The following NDRG4 variants were observed in gnomAD, a reference collection of about 807,000 sequenced individuals.
NDRG4 encodes protein NDRG4.
Under a neutral mutation model 55.8 loss-of-function variants are expected in NDRG4, and 38 were observed. The ratio of observed to expected loss-of-function variants is 0.68; its 90% confidence interval spans 0.53 to 0.89. The LOEUF is 0.89. Among genes scored for constraint, NDRG4 ranks in the 40% least tolerant of loss-of-function variants. NDRG4 has a pLI of 0.00. For missense variants in NDRG4, 455 were observed against 468.6 expected (o/e 0.97, Z 0.27); for synonymous variants, 190 against 182.7 (o/e 1.04, Z -0.32).
At chr16:58,477,503 AC>A (rs34069876) in intron 1 of NDRG4, among the ~76,000 whole-genome samples, 27,625 of 152,188 alleles carry the variant, frequency 0.18, 3,125 homozygotes, top group Middle Eastern at 0.27. Flanking sequence ...GAACAATGAA[AC>A]AAATAATGAT....
intron 5 of NDRG4, among the ~76,000 whole-genome samples, chr16:58,505,731 TTTTTTTTTG>T: frequency 7.3e-6 from 1 of 136,292 alleles, no homozygotes; most frequent in African/African-American, 2.9e-5. Context: ...TTTTTTTTTT[TTTTTTTTTG>T]AGATGGAGTC....
rs2038828250 is a variant in NDRG4, at chr16:58,511,744, T to C, written c.*168T>C. Reference sequence around the variant, plus strand: ...CTGCAGCAGAACAGTCTCCAGGTGTTTTAAGGGGCTCAGTCCTCCTCATCC... The same window carrying C: ...CTGCAGCAGAACAGTCTCCAGGTGTCTTAAGGGGCTCAGTCCTCCTCATCC... On this transcript the variant is annotated 3_prime_UTR_variant, in exon 15 of 15. Transcript: ENST00000570248. 1 of 826,600 alleles carries C rather than the reference T, an allele frequency of 1.2e-6. No homozygotes were observed. The highest frequency in any genetic ancestry group is 2.0e-5 in the Admixed American group (1 of 49,324). The allele number at this position is 826,600 out of a possible 1,614,324, so 51.2% of individuals were successfully genotyped here.
In NDRG4 at chr16:58,509,180, G is replaced by A. The variant is rs1254042296; in HGVS notation, c.804G>A (p.Gln268=). ...TGGCAGACTCTGGAGGGCTGCCCCAGGTCACACAGGTGAGACTTTTGGCCC... is the reference window on the plus strand; with the variant it reads ...TGGCAGACTCTGGAGGGCTGCCCCAAGTCACACAGGTGAGACTTTTGGCCC... The part of the protein sequence containing the change: ...LKMADSGGLP[Q]VTQPGKLTEA... The change falls in exon 12 of 15, where the codon CAG becomes CAA. Residue 268 remains glutamine (Q), a synonymous_variant. Transcript: ENST00000570248. 6.2e-7 allele frequency: 1 copy of A among 1,614,028 alleles called. No individual in the cohort carries two copies. The highest frequency in any genetic ancestry group is 1.3e-5 in the African/African-American group (1 of 75,064).
At position 58,500,583 on chromosome 16, in the gene NDRG4, C is replaced by T. The variant is rs756335961; in HGVS notation, c.21+314C>T. On this transcript the variant is annotated intron_variant, in intron 1 of 14. Transcript: ENST00000570248. ...CACTGTCTGACTTGGCTGCATTGCCCGTGTGGACCCGGGCGCTAGTGCCTG... is the reference window on the plus strand; with the variant it reads ...CACTGTCTGACTTGGCTGCATTGCCTGTGTGGACCCGGGCGCTAGTGCCTG... The T allele has an allele frequency of 1.7e-5, 9 of 535,178 alleles. 1 individual carries two copies. Among genetic ancestry groups the T allele is most frequent in the East Asian group, 1.7e-4 (5 of 29,782 alleles). The allele number at this position is 535,178 out of a possible 1,614,324, so 33.2% of individuals were successfully genotyped here. A position where few individuals can be genotyped will look rare whatever the true frequency, so the allele number is the denominator to read the frequency against.
intron 13 of NDRG4, 137 bp from the exon 14 acceptor site, chr16:58,510,508 C>T (rs1304445005): frequency 2.7e-6 from 2 of 730,988 alleles, no homozygotes; most frequent in African/African-American, 3.4e-5. Flanking sequence ...TCTGGCCCTG[C>T]CCCCAGCCTC....
At chr16:58,473,590 A>G (rs900083250) in intron 1 of NDRG4, among the ~76,000 whole-genome samples, 4 of 152,012 alleles carry the variant, frequency 2.6e-5, no homozygotes, top group South Asian at 2.1e-4. Flanking sequence ...TGATAGCTCT[A>G]TCCTTCCATA....
chr16:58,509,726 A>C (rs1282845106), intron 13 of NDRG4, among the ~76,000 whole-genome samples: 1 of 152,158 alleles, frequency 6.6e-6, no homozygotes, highest in South Asian at 2.1e-4. Flanking sequence ...CACCCGCCCC[A>C]GGGCTTGGGG....
chr16:58,504,496 G>A, intron 4 of NDRG4, 75 bp downstream of exon 4: 6 of 1,611,830 alleles, frequency 3.7e-6, no homozygotes, highest in Non-Finnish European at 5.1e-6. Context: ...GGCTCCAGCT[G>A]AGGGCTTCAG....
chr16:58,478,697 G>GTTTTTTTTTTTTTTTGTT (rs59525801), intron 1 of NDRG4, among the ~76,000 whole-genome samples: 1 of 137,756 alleles, frequency 7.3e-6, no homozygotes, highest in South Asian at 2.3e-4. Context: ...TTTGTTTTTT[G>GTTTTTTTTTTTTTTTGTT]TTTTTTTTTT....
chr16:58,465,795 G>A (rs1295756540), intron 1 of NDRG4, among the ~76,000 whole-genome samples: 1 of 152,164 alleles, frequency 6.6e-6, no homozygotes, highest in African/African-American at 2.4e-5. Flanking sequence ...AAGGAAAGGT[G>A]GAAGCTGTTC....
At chr16:58,478,453 C>T (rs892459292) in intron 1 of NDRG4, among the ~76,000 whole-genome samples, 2 of 151,652 alleles carry the variant, frequency 1.3e-5, no homozygotes, top group African/African-American at 2.4e-5. Context: ...TTGGAGAAGG[C>T]CAAGGAGGAC....
intron 1 of NDRG4, among the ~76,000 whole-genome samples, chr16:58,466,305 C>T (rs548271186): frequency 4.5e-4 from 68 of 152,330 alleles, no homozygotes; most frequent in African/African-American, 1.3e-3. Context: ...CGTGAGCCAC[C>T]GCACCCAGCC....
At chr16:58,497,882 C>T (rs914113863), upstream of NDRG4, among the ~76,000 whole-genome samples, 1 of 152,074 alleles carries the variant, frequency 6.6e-6, no homozygotes, top group African/African-American at 2.4e-5. Context: ...GCAGTTTTTT[C>T]TGATTCTCAC....
intron 1 of NDRG4, among the ~76,000 whole-genome samples, chr16:58,466,730 T>C (rs2031760847): frequency 6.6e-6 from 1 of 152,240 alleles, no homozygotes; most frequent in African/African-American, 2.4e-5. Context: ...ATCGGGATTC[T>C]AACTCCAACC....
intron 1 of NDRG4, among the ~76,000 whole-genome samples, chr16:58,468,417 A>G (rs557252409): frequency 2.0e-5 from 3 of 152,262 alleles, no homozygotes; most frequent in Non-Finnish European, 4.4e-5. Flanking sequence ...AATGGGAATA[A>G]TAGCCCTCAT....
At position 58,503,781 on chromosome 16, in the gene NDRG4, C is replaced by T. The variant is rs140345129; in HGVS notation, c.22-17C>T. ...CGGAGGCTGCCCAGAGTGTCCAGCACGGTCTCTCCCCTTCAGGAACATGAC... is the reference window on the plus strand; with the variant it reads ...CGGAGGCTGCCCAGAGTGTCCAGCATGGTCTCTCCCCTTCAGGAACATGAC... On this transcript the variant is annotated splice_polypyrimidine_tract_variant and intron_variant, in intron 1 of 14. Transcript: ENST00000570248. 2.7e-5 allele frequency: 43 copies of T among 1,613,680 alleles called. 1 individual carries two copies. Among genetic ancestry groups the T allele is most frequent in the African/African-American group, 1.1e-4 (8 of 75,010 alleles).
chr16:58,484,833 T>C (rs1425205155), intron 1 of NDRG4, among the ~76,000 whole-genome samples: 1 of 151,928 alleles, frequency 6.6e-6, no homozygotes, highest in Admixed American at 6.6e-5. Context: ...AGTAGGACTC[T>C]CATTTTCTTA....
chr16:58,485,759 GT>G (rs1259186027), intron 1 of NDRG4, among the ~76,000 whole-genome samples: 1 of 152,156 alleles, frequency 6.6e-6, no homozygotes, highest in African/African-American at 2.4e-5. Flanking sequence ...AGCATGGCAC[GT>G]GCACAGGGAC....
At chr16:58,487,978 G>A in intron 2 of NDRG4, 1 of 639,524 alleles carries the variant, frequency 1.6e-6, no homozygotes, top group Non-Finnish European at 2.4e-6. Context: ...CCCTGTCCCT[G>A]CCTGTGGGGG....
Sources: gnomAD v4.1 joint callset for allele counts (sites outside exome capture counted in the v4.1 genomes callset) on GRCh38, gnomAD v4.1.1 for gene constraint, MANE v1.5 for transcripts, NCBI Gene and HGNC (gene_info 2026-07-23, HGNC 2026-07-21) for gene names.